The following BBIP1 variants were observed in gnomAD, a reference collection of about 807,000 sequenced individuals.
The protein encoded by BBIP1 is BBSome-interacting protein 1.
BBIP1 carries 6 observed loss-of-function variants against 8.9 expected under a neutral mutation model. The ratio of observed to expected loss-of-function variants is 0.67; its 90% CI spans 0.37 to 1.33. The LOEUF (loss-of-function observed/expected upper bound fraction) is 1.33, where lower values mean the gene tolerates loss of function less well. Among genes scored for constraint, BBIP1 ranks in the 40% most tolerant of loss-of-function variants. The probability of loss-of-function intolerance (pLI) is 0.02; values close to 1 mark genes in which losing one functional copy is unlikely to be tolerated. For missense variants in BBIP1, 111 were observed against 109.2 expected (o/e 1.02, Z -0.07); for synonymous variants, 32 against 33.4 (o/e 0.96, Z 0.14).
intron 2 of BBIP1, among the ~76,000 whole-genome samples, chr10:110,905,771 TATC>T (rs1224834606): frequency 6.6e-6 from 1 of 152,164 alleles, no homozygotes; most frequent in Non-Finnish European, 1.5e-5. Context: ...TTAAATTTCT[TATC>T]ATAAATTTAA....
chr10:110,904,027 A>G (rs1193839501), intron 2 of BBIP1: 1 of 152,126 alleles, frequency 6.6e-6, no homozygotes, highest in African/African-American at 2.4e-5. Flanking sequence ...TGGTATACAG[A>G]CAGTATTTCC....
chr10:110,914,395 CT>C (rs1251508937), intron 2 of BBIP1, among the ~76,000 whole-genome samples: 4 of 151,680 alleles, frequency 2.6e-5, no homozygotes, highest in African/African-American at 9.7e-5. Context: ...TTATCCAAGA[CT>C]TGTGGTTAAC....
At chr10:110,919,364 A>C, upstream of BBIP1, 2 of 377,298 alleles carry the variant, frequency 5.3e-6, no homozygotes, top group African/African-American at 2.1e-5. Context: ...GCGTAGAGGA[A>C]CTGAGGAAAG....
At chr10:110,917,021 A>C in intron 2 of BBIP1, among the ~76,000 whole-genome samples, 1 of 152,172 alleles carries the variant, frequency 6.6e-6, no homozygotes, top group Non-Finnish European at 1.5e-5. Context: ...TTGCAAAAAA[A>C]ATGTTCAGCT....
At position 110,902,078 on chromosome 10, in the gene BBIP1, TCAACGGC is replaced by T. The variant is rs572307798; in HGVS notation, c.38-473_38-467del. 14 of 160,198 alleles carry T rather than the reference TCAACGGC, an allele frequency of 8.7e-5. No homozygotes were observed. In the East Asian group the frequency reaches 2.4e-3, roughly 28 times the overall value. The allele number at this position is 160,198 out of a possible 1,614,324, so 9.9% of individuals were successfully genotyped here. ...ACATTTCCTAAGATTCCTACTTGTC[TCAACGGC>T]CAACAGCTGGTTTCTACTTTGTGTC... On this transcript the variant is annotated intron_variant, in intron 2 of 3. Transcript: ENST00000448814.
At chr10:110,904,489 TTTGTGTGTA>T (rs1450179785) in intron 2 of BBIP1, 2 of 152,178 alleles carry the variant, frequency 1.3e-5, no homozygotes, top group African/African-American at 4.8e-5. Flanking sequence ...AAAGACTGCT[TTTGTGTGTA>T]TGAGTGCATG....
At chr10:110,909,306 C>T (rs552506571) in intron 2 of BBIP1, among the ~76,000 whole-genome samples, 46 of 152,168 alleles carry the variant, frequency 3.0e-4, no homozygotes, top group Non-Finnish European at 5.6e-4. Flanking sequence ...CAAGCGATTC[C>T]CCAGCCTCAG....
At chr10:110,912,579 T>G (rs1846304213) in intron 2 of BBIP1, among the ~76,000 whole-genome samples, 1 of 152,196 alleles carries the variant, frequency 6.6e-6, no homozygotes. Flanking sequence ...AAATTCAAAC[T>G]GCATTCCTGA....
chr10:110,906,020 T>A (rs200113347), intron 2 of BBIP1, among the ~76,000 whole-genome samples: 11 of 104,856 alleles, frequency 1.0e-4, no homozygotes, highest in Middle Eastern at 5.7e-3. Context: ...TTTTTTTTTT[T>A]GAGACGGAGT....
chr10:110,901,797 C>T (rs1224921836), intron 2 of BBIP1, 185 bp from the exon 3 acceptor site: 4 of 573,746 alleles, frequency 7.0e-6, no homozygotes, highest in Non-Finnish European at 1.2e-5. Flanking sequence ...TAGATCTTGT[C>T]AACTTCCATT....
Position 110,917,665 on chromosome 10 carries a change from G to C in BBIP1, c.37+456C>G, listed in dbSNP as rs557246138. ...ATTGAAGGTCTCTAAAACTTGGCTGGAAGTGTCTTGGGCATCCAAGAGACA... is the reference window on the plus strand; with the variant it reads ...ATTGAAGGTCTCTAAAACTTGGCTGCAAGTGTCTTGGGCATCCAAGAGACA... On this transcript the variant is annotated intron_variant, in intron 2 of 3. Transcript: ENST00000448814. Among the ~76,000 whole-genome samples the C allele has an allele frequency of 2.0e-5, 3 of 152,314 alleles. No homozygotes were observed. The East Asian group carries it at 5.8e-4, about 29-fold the overall frequency.
At position 110,918,105 on chromosome 10, in the gene BBIP1, C is replaced by T. The variant is rs757215907; in HGVS notation, c.37+16G>A. 2 of 1,534,570 alleles carry T rather than the reference C, an allele frequency of 1.3e-6. No homozygotes were observed. The highest frequency in any genetic ancestry group is 3.9e-5 in the Admixed American group (2 of 51,002). On this transcript the variant is annotated intron_variant, in intron 2 of 3. Coordinates refer to ENST00000448814, the MANE Select transcript of BBIP1 (RefSeq NM_001195305.3). ...GTATTGTTGACTGGCTGGATATTAA[C>T]CATTTTCAATTTTACCTGAAAGTTC...
chr10:110,905,290 G>A (rs977274140), intron 2 of BBIP1, among the ~76,000 whole-genome samples: 2 of 151,276 alleles, frequency 1.3e-5, no homozygotes, highest in Non-Finnish European at 2.9e-5. Flanking sequence ...GGGGCTGGGC[G>A]CGGTGGCTCA....
At chr10:110,906,093 C>T (rs1846128733) in intron 2 of BBIP1, among the ~76,000 whole-genome samples, 1 of 151,778 alleles carries the variant, frequency 6.6e-6, no homozygotes, top group Non-Finnish European at 1.5e-5. Context: ...AGCTCCGCCT[C>T]CCGGGTTCAT....
At chr10:110,919,332 G>A, upstream of BBIP1, 1 of 366,466 alleles carries the variant, frequency 2.7e-6, no homozygotes, top group Non-Finnish European at 4.9e-6. Flanking sequence ...GCTAGCCAGA[G>A]GCGCCCAGTG....
chr10:110,916,906 TAAG>T (rs1041208923), intron 2 of BBIP1, among the ~76,000 whole-genome samples: 1 of 152,218 alleles, frequency 6.6e-6, no homozygotes, highest in Non-Finnish European at 1.5e-5. Flanking sequence ...GTAAGCATGC[TAAG>T]AAGTGAGATG....
chr10:110,915,250 G>C (rs1419502811), intron 2 of BBIP1, among the ~76,000 whole-genome samples: 1 of 151,872 alleles, frequency 6.6e-6, no homozygotes, highest in Non-Finnish European at 1.5e-5. Flanking sequence ...TTGACCTTCT[G>C]GGCTCAAGTG....
At chr10:110,914,476 C>G (rs1277491360) in intron 2 of BBIP1, among the ~76,000 whole-genome samples, 1 of 151,652 alleles carries the variant, frequency 6.6e-6, no homozygotes, top group African/African-American at 2.4e-5. Context: ...AAAAGGGGAG[C>G]CCAGAAAGAA....
rs78310316 is a variant in BBIP1 at position 110,907,974 on chromosome 10, T to C, written c.38-6362A>G. 1.5e-3 allele frequency: 812 copies of C among 537,686 alleles called. 8 individuals are homozygous for C. Among genetic ancestry groups the C allele is most frequent in the African/African-American group, 0.015 (766 of 51,694 alleles). The allele number at this position is 537,686 out of a possible 1,614,324, so 33.3% of individuals were successfully genotyped here. ...CTAAAGTTATGTGATTCTGGAATTC[T>C]TTAAAAGTGCAATCATGGGACCAGT... On this transcript the variant is annotated intron_variant, in intron 2 of 3. Coordinates refer to ENST00000448814, the MANE Select transcript of BBIP1 (RefSeq NM_001195305.3).
Sources: gnomAD v4.1 joint callset for allele counts (sites outside exome capture counted in the v4.1 genomes callset) on GRCh38, gnomAD v4.1.1 for gene constraint, MANE v1.5 for transcripts, NCBI Gene and HGNC (gene_info 2026-07-23, HGNC 2026-07-21) for gene names.